The following LNX1 variants were observed in gnomAD, a reference collection of about 807,000 sequenced individuals.
LNX1 encodes the protein E3 ubiquitin-protein ligase LNX.
In LNX1, 54 loss-of-function variants were observed where a neutral mutation model predicts 68.4. The ratio of observed to expected loss-of-function variants is 0.79; its 90% CI spans 0.63 to 0.99. The LOEUF (loss-of-function observed/expected upper bound fraction) is 0.99. Ranked by LOEUF, LNX1 falls within the 50% of genes least tolerant of loss-of-function variation. The pLI, the probability that LNX1 is intolerant of heterozygous loss-of-function variation, is 0.00. For synonymous variants in LNX1, 336 were observed against 350.0 expected (o/e 0.96, Z 0.45); for missense variants, 906 against 926.4 (o/e 0.98, Z 0.29).
intron 2 of LNX1, among the ~76,000 whole-genome samples, chr4:53,512,657 A>G (rs1266528744): frequency 6.6e-6 from 1 of 152,164 alleles, no homozygotes; most frequent in Non-Finnish European, 1.5e-5. Flanking sequence ...TGGCTGGCCC[A>G]TAGCTATTAT....
intron 9 of LNX1, among the ~76,000 whole-genome samples, chr4:53,474,957 G>T (rs541022442): frequency 3.9e-5 from 6 of 152,224 alleles, no homozygotes; most frequent in African/African-American, 1.4e-4. Flanking sequence ...TAGTAGAGAT[G>T]CGGTTTTGCC....
Position 53,459,853 on chromosome 4 carries a change from G to A in LNX1, c.*1054C>T, listed in dbSNP as rs1721478171. 1 of 247,120 alleles carries A rather than the reference G, an allele frequency of 4.0e-6. No individual in the cohort carries two copies. The highest frequency in any genetic ancestry group is 7.9e-6 in the Non-Finnish European group (1 of 127,044). 15.3% of individuals were successfully genotyped at this position (247,120 alleles called of 1,614,324 possible). On this transcript the variant is annotated 3_prime_UTR_variant, in exon 11 of 11. Coordinates refer to ENST00000263925, the MANE Select transcript of LNX1 (RefSeq NM_001126328.3). ...AAAGGCAACAAAGGGCCCCTCTAAG[G>A]CTTGAGATTAAAACTAGTCTTTATC...
In LNX1 at chr4:53,478,605, C is replaced by T; in HGVS notation, c.1623G>A (p.Glu541=). 6.2e-7 allele frequency: 1 copy of T among 1,613,934 alleles called. No individual in the cohort carries two copies. The highest frequency in any genetic ancestry group is 8.5e-7 in the Non-Finnish European group (1 of 1,179,932). ...CATCTCTGCTTATGACTCCTCCGGGCTCAACACTGATGACATAGATAGGCA... is the reference window on the plus strand; with the variant it reads ...CATCTCTGCTTATGACTCCTCCGGGTTCAACACTGATGACATAGATAGGCA... The part of the protein sequence containing the change: ...WDLPIYVISV[E]PGGVISRDGR... Residue 541 remains glutamate, a synonymous_variant, in exon 8 of 11, where the codon GAG becomes GAA. Transcript: ENST00000263925.
intron 2 of LNX1, among the ~76,000 whole-genome samples, chr4:53,609,062 A>T (rs1228547976): frequency 6.6e-6 from 1 of 152,154 alleles, no homozygotes; most frequent in African/African-American, 2.4e-5. Flanking sequence ...AAAAACAGAC[A>T]CATAGACCAA....
chr4:53,532,248 G>C (rs1240473181), intron 2 of LNX1, among the ~76,000 whole-genome samples: 2 of 152,186 alleles, frequency 1.3e-5, no homozygotes, highest in African/African-American at 4.8e-5. Flanking sequence ...TGCTGAGGCA[G>C]GCAGATCACC....
At chr4:53,616,896 G>A (rs1327703894) in intron 1 of LNX1, among the ~76,000 whole-genome samples, 1 of 152,146 alleles carries the variant, frequency 6.6e-6, no homozygotes, top group Non-Finnish European at 1.5e-5. Flanking sequence ...GGTTACTGAT[G>A]TTTAAACTAA....
At chr4:53,475,698 A>T (rs1723516798) in intron 9 of LNX1, among the ~76,000 whole-genome samples, 1 of 152,214 alleles carries the variant, frequency 6.6e-6, no homozygotes, top group East Asian at 1.9e-4. Flanking sequence ...TTATGCTCTC[A>T]TGCAGGTGAG....
chr4:53,490,911 G>T (rs1724634625), intron 6 of LNX1, among the ~76,000 whole-genome samples: 1 of 151,978 alleles, frequency 6.6e-6, no homozygotes, highest in African/African-American at 2.4e-5. Context: ...AACTAGCTTT[G>T]CTCCCATTTT....
intron 2 of LNX1, among the ~76,000 whole-genome samples, chr4:53,556,320 A>C (rs1729909885): frequency 6.6e-6 from 1 of 152,154 alleles, no homozygotes; most frequent in Admixed American, 6.5e-5. Flanking sequence ...TCTCCCCTAT[A>C]GCCTTCATAG....
In LNX1 at chr4:53,498,824, G is replaced by A. The variant is rs1725263676; in HGVS notation, c.795C>T (p.His265=). ...TGGTAATTTCACCATCTGGAATCAGGTGGTACAACCTTGGAAAGACTGAAA... is the reference window on the plus strand; with the variant it reads ...TGGTAATTTCACCATCTGGAATCAGATGGTACAACCTTGGAAAGACTGAAA... ...TAPEVFPRLY[H]LIPDGEITSI... Residue 265 remains histidine (H), a synonymous_variant, in exon 5 of 11, where the codon CAC becomes CAT. Coordinates refer to ENST00000263925, the MANE Select transcript of LNX1 (RefSeq NM_001126328.3). The A allele has an allele frequency of 3.7e-6, 6 of 1,613,434 alleles. No individual in the cohort carries two copies. Among genetic ancestry groups the A allele is most frequent in the Non-Finnish European group, 4.2e-6 (5 of 1,179,582 alleles).
At chr4:53,489,440 A>G (rs931606368) in intron 6 of LNX1, among the ~76,000 whole-genome samples, 2 of 152,200 alleles carry the variant, frequency 1.3e-5, no homozygotes, top group Admixed American at 6.5e-5. Flanking sequence ...GCAAGACACA[A>G]GGATTTAGTT....
At chr4:53,571,616 C>A (rs1731176282) in intron 2 of LNX1, among the ~76,000 whole-genome samples, 2 of 152,200 alleles carry the variant, frequency 1.3e-5, no homozygotes, top group African/African-American at 4.8e-5. Flanking sequence ...TGTTAGTCCA[C>A]CGAGATGTAC....
At chr4:53,633,999 T>A (rs1184906014) in intron 1 of LNX1, among the ~76,000 whole-genome samples, 4 of 152,116 alleles carry the variant, frequency 2.6e-5, no homozygotes, top group Non-Finnish European at 5.9e-5. Flanking sequence ...AACAATGCAT[T>A]TTGTTACTAA....
In LNX1 at chr4:53,498,856, AAG is replaced by A. The variant is rs200781307; in HGVS notation, c.776-15_776-14del. 31 of 1,602,416 alleles carry A rather than the reference AAG, an allele frequency of 1.9e-5. No homozygotes were observed. The East Asian group carries it at 5.1e-4, about 27-fold the overall frequency. On this transcript the variant is annotated splice_polypyrimidine_tract_variant and intron_variant, in intron 4 of 10. Transcript: ENST00000263925. ...AACCTTGGAAAGACTGAAATGGACAAAGAGTGTTTATTTAAGACACCCACCCA... is the reference window on the plus strand; with the variant it reads ...AACCTTGGAAAGACTGAAATGGACAAAGTGTTTATTTAAGACACCCACCCA...
At chr4:53,644,814 C>A (rs1338083419) in intron 1 of LNX1, among the ~76,000 whole-genome samples, 3 of 152,116 alleles carry the variant, frequency 2.0e-5, no homozygotes, top group African/African-American at 7.2e-5. Flanking sequence ...CCCAGAGAAC[C>A]AGTTTGGTGA....
At chr4:53,596,802 G>T (rs1054161296) in intron 2 of LNX1, among the ~76,000 whole-genome samples, 1 of 152,064 alleles carries the variant, frequency 6.6e-6, no homozygotes, top group Non-Finnish European at 1.5e-5. Context: ...TAATGACAAT[G>T]ACATTCCCCT....
At chr4:53,472,727 C>T (rs1407004885) in intron 9 of LNX1, among the ~76,000 whole-genome samples, 2 of 144,012 alleles carry the variant, frequency 1.4e-5, no homozygotes, top group Non-Finnish European at 3.0e-5. Flanking sequence ...GTAAAGGACT[C>T]TTTGCAATAT....
intron 2 of LNX1, among the ~76,000 whole-genome samples, chr4:53,515,123 C>G (rs1726662449): frequency 6.6e-6 from 1 of 152,060 alleles, no homozygotes; most frequent in Non-Finnish European, 1.5e-5. Context: ...CCAGTAGAAC[C>G]AAACTTTGAA....
chr4:53,478,698 G>A lies in LNX1; in HGVS notation c.1530C>T (p.Ile510=). ...TITCHEKVVN[I]QKDPGESLGM... is the part of the protein sequence containing the mutation. The stretch of plus-strand genomic sequence containing the variant: ...CGAGAGATTCACCGGGGTCTTTTTG[G>A]ATATTTACCACCTTCTCATGACAAG... Residue 510 remains isoleucine, a synonymous_variant, in exon 8 of 11, where the codon ATC becomes ATT. Coordinates refer to ENST00000263925, the MANE Select transcript of LNX1 (RefSeq NM_001126328.3). 6.2e-7 allele frequency: 1 copy of A among 1,614,042 alleles called. No homozygotes were observed. The highest frequency in any genetic ancestry group is 8.5e-7 in the Non-Finnish European group (1 of 1,179,958).
Sources: gnomAD v4.1 joint callset for allele counts (sites outside exome capture counted in the v4.1 genomes callset) on GRCh38, gnomAD v4.1.1 for gene constraint, MANE v1.5 for transcripts, NCBI Gene and HGNC (gene_info 2026-07-23, HGNC 2026-07-21) for gene names.